OSBPL9: variants seen among roughly 807,000 people sequenced by gnomAD.
The protein encoded by OSBPL9 is oxysterol-binding protein-related protein 9.
In OSBPL9, 40 loss-of-function variants were observed where a neutral mutation model predicts 106.6. The ratio of observed to expected loss-of-function variants is 0.38; its 90% CI spans 0.29 to 0.49. OSBPL9 has a LOEUF of 0.49. Among genes scored for constraint, OSBPL9 ranks in the 20% least tolerant of loss-of-function variants. The pLI, the probability that OSBPL9 is intolerant of heterozygous loss-of-function variation, is 0.97. For synonymous variants in OSBPL9, 269 were observed against 295.4 expected (o/e 0.91, Z 0.92); for missense variants, 609 against 887.2 (o/e 0.69, Z 3.98).
chr1:51,536,893 T>A, the OSBPL9 span, among the ~76,000 whole-genome samples: 2 of 152,224 alleles, frequency 1.3e-5, no homozygotes, highest in African/African-American at 4.8e-5. Context: ...ATCAGCGGAT[T>A]AAGGTGGTAT....
chr1:51,749,828 G>C (rs1336588150), intron 7 of OSBPL9, among the ~76,000 whole-genome samples: 1 of 149,084 alleles, frequency 6.7e-6, no homozygotes, highest in Non-Finnish European at 1.5e-5. Flanking sequence ...TTGTGCCTGT[G>C]AATAGCCACT....
At chr1:51,533,101 A>T in the OSBPL9 span, among the ~76,000 whole-genome samples, 1 of 152,168 alleles carries the variant, frequency 6.6e-6, no homozygotes, top group Non-Finnish European at 1.5e-5. Flanking sequence ...ACCTCTAAAA[A>T]AATCATAGTA....
At chr1:51,523,048 G>C in the OSBPL9 span, among the ~76,000 whole-genome samples, 1 of 151,794 alleles carries the variant, frequency 6.6e-6, no homozygotes, top group Non-Finnish European at 1.5e-5. Context: ...CATGAGCCCA[G>C]GAGTTCAAGA....
intron 2 of OSBPL9, among the ~76,000 whole-genome samples, chr1:51,658,496 T>G (rs535026426): frequency 6.6e-6 from 1 of 152,298 alleles, no homozygotes; most frequent in African/African-American, 2.4e-5. Context: ...GGTAAATTTA[T>G]TATACATCTT....
At chr1:51,622,964 A>G (rs1233427870) in intron 1 of OSBPL9, among the ~76,000 whole-genome samples, 4 of 152,246 alleles carry the variant, frequency 2.6e-5, no homozygotes, top group African/African-American at 9.6e-5. Flanking sequence ...AAAAGCTTGC[A>G]CAGGAGAGTG....
intron 20 of OSBPL9, 103 bp from the exon 21 acceptor site, chr1:51,785,705 A>G: frequency 1.1e-6 from 1 of 938,214 alleles, no homozygotes; most frequent in East Asian, 2.5e-5. Context: ...AAAACTTCAC[A>G]GTTGCTCTTC....
chr1:51,757,241 G>C (rs532025984), intron 9 of OSBPL9, among the ~76,000 whole-genome samples: 1 of 152,164 alleles, frequency 6.6e-6, no homozygotes, highest in Admixed American at 6.5e-5. Flanking sequence ...TATTTCTTAA[G>C]AAAGCAGAAG....
At chr1:51,663,295 A>AGTAT (rs1553160577) in intron 2 of OSBPL9, among the ~76,000 whole-genome samples, 1 of 148,710 alleles carries the variant, frequency 6.7e-6, no homozygotes, top group Non-Finnish European at 1.5e-5. Flanking sequence ...TATGCTGGCA[A>AGTAT]GTGTGTGTGT....
upstream of OSBPL9, among the ~76,000 whole-genome samples, chr1:51,616,119 A>G (rs184689210): frequency 1.4e-5 from 2 of 147,034 alleles, no homozygotes; most frequent in African/African-American, 5.0e-5. Context: ...TGCCTCAGCT[A>G]GGACTACAGG....
chr1:51,669,741 A>G (rs181459728), intron 3 of OSBPL9: 1 of 632,794 alleles, frequency 1.6e-6, no homozygotes, highest in Admixed American at 2.1e-5. Context: ...TGGAGATGAA[A>G]ATTTTAAAGG....
rs1491106261 is a variant in OSBPL9 at position 51,607,066 on chromosome 1, A to AT, written c.-352-7239_-352-7238insT. 3.3e-5 allele frequency among the ~76,000 whole-genome samples: 5 copies of AT among 152,178 alleles called. No individual in the cohort carries two copies. The East Asian group carries it at 9.6e-4, about 29-fold the overall frequency. ...CTCCATCTCAAAAAAAAAGAAAAAA[A>AT]GAAAAAATTTGGAAAACACAAAAGT... On this transcript the variant is annotated intron_variant, in intron 2 of 25. Transcript: ENST00000371714.
At chr1:51,728,356 A>G (rs552405612) in intron 4 of OSBPL9, among the ~76,000 whole-genome samples, 3 of 152,344 alleles carry the variant, frequency 2.0e-5, no homozygotes, top group East Asian at 1.9e-4. Flanking sequence ...GATTATTCCA[A>G]CAGGCCAGGA....
chr1:51,635,832 T>A (rs1190490947), intron 1 of OSBPL9, among the ~76,000 whole-genome samples: 1 of 152,090 alleles, frequency 6.6e-6, no homozygotes, highest in Non-Finnish European at 1.5e-5. Context: ...CACAATCCTC[T>A]GCCTGCAATT....
the OSBPL9 span, among the ~76,000 whole-genome samples, chr1:51,538,227 G>A: frequency 6.6e-6 from 1 of 152,112 alleles, no homozygotes; most frequent in Non-Finnish European, 1.5e-5. Flanking sequence ...TGGAGGCAGA[G>A]GTTGCAGTGA....
At chr1:51,527,516 C>T in the OSBPL9 span, among the ~76,000 whole-genome samples, 1 of 152,192 alleles carries the variant, frequency 6.6e-6, no homozygotes, top group Non-Finnish European at 1.5e-5. Flanking sequence ...ACCTCAGCCT[C>T]CTGAGTAGCT....
the OSBPL9 span, among the ~76,000 whole-genome samples, chr1:51,556,825 G>GTGTATATATATACATATATA: frequency 6.7e-6 from 1 of 148,938 alleles, no homozygotes; most frequent in Admixed American, 6.8e-5. Context: ...ACATATATAT[G>GTGTATATATATACATATATA]TGTATATATA....
At chr1:51,530,183 A>AC in the OSBPL9 span, among the ~76,000 whole-genome samples, 1 of 107,208 alleles carries the variant, frequency 9.3e-6, no homozygotes, top group Non-Finnish European at 1.9e-5. Context: ...AAAAAAAAAA[A>AC]AAAAAAAAAC....
chr1:51,527,330 G>GTGATGATGA, the OSBPL9 span, among the ~76,000 whole-genome samples: 9 of 110,226 alleles, frequency 8.2e-5, no homozygotes, highest in Non-Finnish European at 1.5e-4. Context: ...AATGATGATG[G>GTGATGATGA]TGATGATGAT....
the OSBPL9 span, among the ~76,000 whole-genome samples, chr1:51,536,506 T>C: frequency 6.6e-6 from 1 of 151,924 alleles, no homozygotes; most frequent in Non-Finnish European, 1.5e-5. Flanking sequence ...TTTGTAGAGG[T>C]GGGGTCTCGT....
Sources: allele counts gnomAD v4.1 joint callset (sites outside exome capture counted in the v4.1 genomes callset), GRCh38; gene constraint gnomAD v4.1.1; transcripts MANE v1.5; gene names NCBI Gene and HGNC (gene_info 2026-07-23, HGNC 2026-07-21).